Variants in SLC35F2 observed in about 807,000 individuals in gnomAD.
The protein encoded by SLC35F2 is queuine/queuosine transporter SLC35F2.
Under a neutral mutation model 38.1 loss-of-function variants are expected in SLC35F2, and 25 were observed. The observed-to-expected ratio is 0.66, with a 90% CI of 0.48 to 0.92. SLC35F2 has a LOEUF of 0.92. SLC35F2 is among the 40% of genes least tolerant of loss of function. The pLI is 0.00. For synonymous variants in SLC35F2, 173 were observed against 181.7 expected (o/e 0.95, Z 0.38); for missense variants, 409 against 452.9 (o/e 0.90, Z 0.88).
chr11:107,844,838 T>C (rs1860078277), intron 1 of SLC35F2, among the ~76,000 whole-genome samples: 1 of 150,946 alleles, frequency 6.6e-6, no homozygotes, highest in African/African-American at 2.4e-5. Context: ...TAGCCAGGCG[T>C]GGTGGCGGGC....
intron 1 of SLC35F2, among the ~76,000 whole-genome samples, chr11:107,818,169 C>G (rs551948595): frequency 2.0e-5 from 3 of 151,850 alleles, no homozygotes; most frequent in African/African-American, 7.3e-5. Context: ...TAGTGGCTCA[C>G]GCCTGTAATC....
chr11:107,827,727 C>A (rs651531), intron 1 of SLC35F2, among the ~76,000 whole-genome samples: 1 of 147,862 alleles, frequency 6.8e-6, no homozygotes, highest in African/African-American at 2.5e-5. Context: ...CCAGCCTGGG[C>A]GACAGAGCAA....
At chr11:107,842,712 G>A (rs1394876456) in intron 1 of SLC35F2, among the ~76,000 whole-genome samples, 1 of 152,106 alleles carries the variant, frequency 6.6e-6, no homozygotes, top group Non-Finnish European at 1.5e-5. Context: ...TGGTACGACT[G>A]CTTTGGAAAA....
intron 3 of SLC35F2, among the ~76,000 whole-genome samples, chr11:107,808,057 A>G (rs1248161590): frequency 1.3e-5 from 2 of 152,218 alleles, no homozygotes; most frequent in Non-Finnish European, 2.9e-5. Flanking sequence ...AAGGACATGG[A>G]ATAAATAATC....
intron 3 of SLC35F2, 99 bp downstream of exon 3, chr11:107,811,568 A>G (rs1446368722): frequency 8.6e-6 from 10 of 1,168,274 alleles, no homozygotes; most frequent in Non-Finnish European, 1.1e-5. Context: ...GGTTTTCTTC[A>G]AGTGAATAGA....
intron 1 of SLC35F2, among the ~76,000 whole-genome samples, chr11:107,818,588 C>G (rs145726442): frequency 1.1e-4 from 16 of 152,024 alleles, no homozygotes; most frequent in Non-Finnish European, 1.9e-4. Flanking sequence ...TTTATACAGG[C>G]GGCATCATAC....
intron 1 of SLC35F2, among the ~76,000 whole-genome samples, chr11:107,838,494 T>A (rs543007970): frequency 1.3e-3 from 199 of 151,086 alleles, no homozygotes; most frequent in Admixed American, 4.8e-3. Flanking sequence ...CCAGCTAATT[T>A]TTGTATTTTT....
At chr11:107,817,312 G>GAAAAA (rs1470463982) in intron 1 of SLC35F2, among the ~76,000 whole-genome samples, 3 of 152,012 alleles carry the variant, frequency 2.0e-5, no homozygotes, top group African/African-American at 7.2e-5. Context: ...AAAAAGAAAA[G>GAAAAA]AAAAGAGCTG....
intron 7 of SLC35F2, among the ~76,000 whole-genome samples, chr11:107,801,773 CTCTTA>C (rs1365560415): frequency 6.6e-6 from 1 of 152,160 alleles, no homozygotes; most frequent in Non-Finnish European, 1.5e-5. Context: ...AAGCTTGAGA[CTCTTA>C]TCTTAATAAT....
chr11:107,837,387 T>G (rs1457978742), intron 1 of SLC35F2, among the ~76,000 whole-genome samples: 1 of 152,058 alleles, frequency 6.6e-6, no homozygotes, highest in Admixed American at 6.6e-5. Flanking sequence ...CATTCTGCCA[T>G]GCTAAAAAAC....
intron 1 of SLC35F2, among the ~76,000 whole-genome samples, chr11:107,833,672 T>C (rs1318199104): frequency 6.6e-6 from 1 of 152,154 alleles, no homozygotes; most frequent in Non-Finnish European, 1.5e-5. Context: ...TTGTTAAAAT[T>C]GTTACACCCA....
At chr11:107,799,685 G>A (rs1859274480) in intron 7 of SLC35F2, among the ~76,000 whole-genome samples, 1 of 151,916 alleles carries the variant, frequency 6.6e-6, no homozygotes, top group Non-Finnish European at 1.5e-5. Context: ...CCACCTCCCG[G>A]GTTCAAGTAA....
chr11:107,808,512 T>C (rs548439375), intron 3 of SLC35F2, among the ~76,000 whole-genome samples: 2 of 152,340 alleles, frequency 1.3e-5, no homozygotes, highest in African/African-American at 4.8e-5. Context: ...ACTGCTGTTT[T>C]ATTGCTCACC....
chr11:107,808,901 C>T (rs543463512), intron 3 of SLC35F2, among the ~76,000 whole-genome samples: 1 of 152,324 alleles, frequency 6.6e-6, no homozygotes, highest in South Asian at 2.1e-4. Context: ...AGAACTACCA[C>T]AGAAGAGTCC....
In SLC35F2 at chr11:107,791,969, T is replaced by C. The variant is rs771946015; in HGVS notation, c.*646A>G. On this transcript the variant is annotated 3_prime_UTR_variant, in exon 8 of 8. Transcript: ENST00000525815. ...GCTTGCACCACTGCACTCTAGACTCTGCATCTCAAACAAACAAAAAAACAA... is the reference window on the plus strand; with the variant it reads ...GCTTGCACCACTGCACTCTAGACTCCGCATCTCAAACAAACAAAAAAACAA... 2 of 152,134 alleles carry C rather than the reference T, an allele frequency of 1.3e-5. No individual in the cohort carries two copies. Among genetic ancestry groups the C allele is most frequent in the Non-Finnish European group, 2.9e-5 (2 of 68,082 alleles). The allele number at this position is 152,134 out of a possible 1,614,324, so 9.4% of individuals were successfully genotyped here.
chr11:107,807,566 ATT>A (rs746937709), intron 3 of SLC35F2, among the ~76,000 whole-genome samples: 9,232 of 140,144 alleles, frequency 0.066, 345 homozygotes, highest in East Asian at 0.16. Context: ...CTTTTCTTTT[ATT>A]TTATTATTAT....
chr11:107,828,513 C>T (rs1859789410), intron 1 of SLC35F2, among the ~76,000 whole-genome samples: 1 of 151,092 alleles, frequency 6.6e-6, no homozygotes, highest in African/African-American at 2.4e-5. Flanking sequence ...AGGGAATGAA[C>T]TTACTATTTT....
chr11:107,797,945 G>C (rs777877317), intron 7 of SLC35F2, among the ~76,000 whole-genome samples: 1 of 152,072 alleles, frequency 6.6e-6, no homozygotes, highest in African/African-American at 2.4e-5. Flanking sequence ...GGGGAAGTTA[G>C]AGCTGTTTGG....
At chr11:107,802,242 A>AAAGAAAAAAAATAAATAAATAAAT (rs1859319840) in intron 7 of SLC35F2, among the ~76,000 whole-genome samples, 1 of 147,892 alleles carries the variant, frequency 6.8e-6, no homozygotes, top group African/African-American at 2.6e-5. Flanking sequence ...CATCTCAAAA[A>AAAGAAAAAAAATAAATAAATAAAT]AAATAAATAA....
Sources: allele counts gnomAD v4.1 joint callset (sites outside exome capture counted in the v4.1 genomes callset), GRCh38; gene constraint gnomAD v4.1.1; transcripts MANE v1.5; gene names NCBI Gene and HGNC (gene_info 2026-07-23, HGNC 2026-07-21).